Variants in ACAN observed in about 807,000 individuals in gnomAD.
ACAN encodes the protein aggrecan, also known as aggrecan core protein.
A neutral mutation model predicts 169.1 loss-of-function variants in ACAN; 47 were observed. That is an observed-to-expected ratio of 0.28 (90% CI 0.22 to 0.35). The LOEUF (loss-of-function observed/expected upper bound fraction) is 0.35, where lower values mean the gene tolerates loss of function less well. ACAN is among the 10% of genes least tolerant of loss of function. The pLI, the probability that ACAN is intolerant of heterozygous loss-of-function variation, is 1.00. For synonymous variants in ACAN, 1,115 were observed against 1,112.2 expected (o/e 1.00, Z -0.05); for missense variants, 2,716 against 2,759.9 (o/e 0.98, Z 0.36).
chr15:88,859,234 A>T lies in ACAN; in HGVS notation c.6649A>T (p.Ile2217Phe), dbSNP rs367726004. 1.5e-5 allele frequency: 24 copies of T among 1,613,808 alleles called. No homozygotes were observed. Among genetic ancestry groups the T allele is most frequent in the Non-Finnish European group, 1.9e-5 (22 of 1,179,890 alleles). The change falls in exon 12 of 19, where the codon ATC becomes TTC. Residue 2217 changes from isoleucine (I) to phenylalanine (F), a missense_variant. Physicochemically the swap from Ile to Phe is conservative, Grantham distance 21 (BLOSUM62 0). Around this residue, in one of 3 missense-constraint regions of ACAN, gnomAD observed 1,389 missense variants for 1,363.7 expected, o/e 1.02. Transcript: ENST00000560601. ...GCTGGGCGTTGTCATCAGCACCAGC[A>T]TCCCAGAGTCTGAGTGGACCCAGCA... ...SQLGVVISTS[I>F]PESEWTQQTQ...
At chr15:88,848,081 G>T in intron 9 of ACAN, 43 bp downstream of exon 9, 2 of 1,602,968 alleles carry the variant, frequency 1.2e-6, no homozygotes, top group Non-Finnish European at 1.7e-6. Context: ...GATGGGCAGG[G>T]GGTGGGCAGG....
At chr15:88,847,792 C>T in intron 8 of ACAN, 119 bp from the exon 9 acceptor site, 1 of 1,310,454 alleles carries the variant, frequency 7.6e-7, no homozygotes, top group South Asian at 1.6e-5. Context: ...GGTTTGAATA[C>T]CACCAGACAA....
chr15:88,808,626 G>A (rs1405054221), intron 1 of ACAN, among the ~76,000 whole-genome samples: 1 of 152,164 alleles, frequency 6.6e-6, no homozygotes, highest in Non-Finnish European at 1.5e-5. Flanking sequence ...ACTGGAGACT[G>A]AGGTGCTTGC....
At position 88,839,951 on chromosome 15, in the gene ACAN, C is replaced by T. The variant is rs942322731; in HGVS notation, c.455-61C>T. On this transcript the variant is annotated intron_variant, in intron 3 of 18. Coordinates refer to ENST00000560601, the MANE Select transcript of ACAN (RefSeq NM_001369268.1). This position sits in a 1 kb window ranked among gnomAD's most constrained non-coding sequence, Gnocchi z 4.5. ...TATTGCCATAATTCTGCGAGGGCCT[C>T]GGTGATCAGAGACTGTGCCTGACCA... 65 of 1,543,814 alleles carry T rather than the reference C, an allele frequency of 4.2e-5. 1 individual carries two copies. In the East Asian group the frequency reaches 1.1e-3, roughly 25 times the overall value.
At chr15:88,862,809 T>C (rs527762807) in intron 13 of ACAN, among the ~76,000 whole-genome samples, 17 of 152,020 alleles carry the variant, frequency 1.1e-4, no homozygotes, top group Non-Finnish European at 2.1e-4. Context: ...ACCAGCCTAA[T>C]CAATATGGTG....
In ACAN at chr15:88,872,780, A is replaced by G; in HGVS notation, c.7303-101A>G. Reference sequence around the variant, plus strand: ...ATGAGCCTGAAGTTGGTGCTAAAAGAGAAAGGAGATGATGAAGAGGCTCCA... The same window carrying G: ...ATGAGCCTGAAGTTGGTGCTAAAAGGGAAAGGAGATGATGAAGAGGCTCCA... On this transcript the variant is annotated intron_variant, in intron 16 of 18. Coordinates refer to ENST00000560601, the MANE Select transcript of ACAN (RefSeq NM_001369268.1). The surrounding 1 kb of genome is among the most constrained non-coding windows in gnomAD (Gnocchi z 5.4). 1 of 1,399,614 alleles carries G rather than the reference A, an allele frequency of 7.1e-7. No individual in the cohort carries two copies. Among genetic ancestry groups the G allele is most frequent in the Non-Finnish European group, 9.7e-7 (1 of 1,027,844 alleles). 86.7% of individuals were successfully genotyped at this position (1,399,614 alleles called of 1,614,324 possible).
intron 7 of ACAN, among the ~76,000 whole-genome samples, chr15:88,846,852 C>G (rs62023499): frequency 0.47 from 71,816 of 152,108 alleles, 19,153 homozygotes; most frequent in Non-Finnish European, 0.62. Flanking sequence ...CCCACAAAGC[C>G]TAAAATATTT....
chr15:88,822,157 C>G (rs1008893951), intron 1 of ACAN, among the ~76,000 whole-genome samples: 1 of 152,216 alleles, frequency 6.6e-6, no homozygotes, highest in South Asian at 2.1e-4. Context: ...GTTGATACCT[C>G]GTGCCCCAAG....
In ACAN at chr15:88,873,121, T is replaced by C. The variant is rs1897423378; in HGVS notation, c.7447+96T>C. 1.4e-6 allele frequency: 2 copies of C among 1,449,826 alleles called. No individual in the cohort carries two copies. The highest frequency in any genetic ancestry group is 2.4e-5 in the East Asian group (1 of 40,832). 89.8% of individuals were successfully genotyped at this position (1,449,826 alleles called of 1,614,324 possible). ...TGTGTGGCCTGGGGTGAGTCCCTTGTCTTCTGGCTGCTGGTGTCTCCTCAC... is the reference window on the plus strand; with the variant it reads ...TGTGTGGCCTGGGGTGAGTCCCTTGCCTTCTGGCTGCTGGTGTCTCCTCAC... On this transcript the variant is annotated intron_variant, in intron 17 of 18. Transcript: ENST00000560601. The surrounding 1 kb of genome is among the most constrained non-coding windows in gnomAD (Gnocchi z 7.5).
At chr15:88,848,088 C>T in intron 9 of ACAN, 50 bp downstream of exon 9, 1 of 1,599,816 alleles carries the variant, frequency 6.3e-7, no homozygotes, top group Non-Finnish European at 8.5e-7. Context: ...AGGGGGTGGG[C>T]AGGGAGCTGA....
At chr15:88,823,898 G>T (rs890673963) in intron 1 of ACAN, among the ~76,000 whole-genome samples, 1 of 152,152 alleles carries the variant, frequency 6.6e-6, no homozygotes, top group African/African-American at 2.4e-5. Context: ...CATGGGCCGT[G>T]TGTGCACTCC....
Position 88,836,262 on chromosome 15 carries a change from C to G in ACAN, c.56C>G (p.Thr19Ser). The G allele has an allele frequency of 2.5e-6, 4 of 1,613,768 alleles. No homozygotes were observed. The East Asian group carries it at 8.9e-5, about 36-fold the overall frequency. ...CTGAGGGTCATCACTGCAGCTGTCA[C>G]TGTAGAAACTTCAGGTGAGGACATT... ...VTLRVITAAV[T>S]VETSDHDNSL... Residue 19 changes from threonine to serine, a missense_variant, in exon 2 of 19, where the codon ACT (threonine) becomes AGT (serine). By Grantham distance (58) the Thr-to-Ser change is moderately conservative. This residue lies in a region of ACAN where 1,283 missense variants were observed against 1,281.5 expected (regional missense o/e 1.00). Coordinates refer to ENST00000560601, the MANE Select transcript of ACAN (RefSeq NM_001369268.1).
Position 88,872,091 on chromosome 15 carries a change from T to C in ACAN, c.7302+6T>C. On this transcript the variant is annotated splice_donor_region_variant and intron_variant, in intron 16 of 18. Coordinates refer to ENST00000560601, the MANE Select transcript of ACAN (RefSeq NM_001369268.1). This position sits in a 1 kb window ranked among gnomAD's most constrained non-coding sequence, Gnocchi z 5.4. The stretch of plus-strand genomic sequence containing the variant: ...GGTCAGATGGACACCCCATGGTGAG[T>C]TCTGCTGTAGGCACAGCTGGTGGCC... 3 of 1,613,274 alleles carry C rather than the reference T, an allele frequency of 1.9e-6. No individual in the cohort carries two copies. In the South Asian group the frequency reaches 3.3e-5, roughly 18 times the overall value.
At chr15:88,821,259 C>G (rs776443437) in intron 1 of ACAN, among the ~76,000 whole-genome samples, 1 of 152,140 alleles carries the variant, frequency 6.6e-6, no homozygotes, top group Non-Finnish European at 1.5e-5. Flanking sequence ...CCTACCTCAG[C>G]CTCCCGAGTA....
intron 13 of ACAN, among the ~76,000 whole-genome samples, chr15:88,864,631 C>T (rs1218829301): frequency 6.6e-6 from 1 of 152,180 alleles, no homozygotes; most frequent in Non-Finnish European, 1.5e-5. Context: ...TTTTATAATC[C>T]TTCTTTCATT....
chr15:88,815,005 T>A (rs1052502745), intron 1 of ACAN, among the ~76,000 whole-genome samples: 1 of 150,812 alleles, frequency 6.6e-6, no homozygotes, highest in African/African-American at 2.5e-5. Context: ...GAAACTTTGG[T>A]TTTTCTTGTC....
At position 88,868,434 on chromosome 15, in the gene ACAN, C is replaced by A; in HGVS notation, c.7060+105C>A. 1 of 588,222 alleles carries A rather than the reference C, an allele frequency of 1.7e-6. No individual in the cohort carries two copies. The highest frequency in any genetic ancestry group is 2.1e-5 in the South Asian group (1 of 48,452). 36.4% of individuals were successfully genotyped at this position (588,222 alleles called of 1,614,324 possible). On this transcript the variant is annotated intron_variant, in intron 14 of 18. Transcript: ENST00000560601. The surrounding 1 kb of genome is among the most constrained non-coding windows in gnomAD (Gnocchi z 5.2). ...GGCTCCAGGCCCTGGCTGGGGCCCCCGAGGTTCATCTGGAGAGCCATTTCA... is the reference window on the plus strand; with the variant it reads ...GGCTCCAGGCCCTGGCTGGGGCCCCAGAGGTTCATCTGGAGAGCCATTTCA...
Position 88,858,641 on chromosome 15 carries a change from C to G in ACAN, c.6056C>G (p.Ser2019Cys), listed in dbSNP as rs2141611573. The change falls in exon 12 of 19, where the codon TCT (serine) becomes TGT (cysteine). Residue 2019 changes from serine (S) to cysteine (C), a missense_variant. Physicochemically the swap from Ser to Cys is moderately radical, Grantham distance 112 (BLOSUM62 -1). Coordinates refer to ENST00000560601, the MANE Select transcript of ACAN (RefSeq NM_001369268.1). This position sits in a 1 kb window ranked among gnomAD's most constrained non-coding sequence, Gnocchi z 4.0. The stretch of plus-strand genomic sequence containing the variant: ...ACCACCAATGTAAGTGGAGAATCCT[C>G]TGTAGCCATGGGCACCAGTGGAGAG... ...ASTTNVSGES[S>C]VAMGTSGEAS... 3 of 1,613,994 alleles carry G rather than the reference C, an allele frequency of 1.9e-6. No homozygotes were observed. In the East Asian group the frequency reaches 6.7e-5, roughly 36 times the overall value.
intron 5 of ACAN, among the ~76,000 whole-genome samples, chr15:88,842,698 A>G (rs1279692260): frequency 6.6e-6 from 1 of 152,210 alleles, no homozygotes; most frequent in Non-Finnish European, 1.5e-5. Flanking sequence ...GTGTTCCCAC[A>G]TTTGGCTAAC....
Sources: gnomAD v4.1 joint callset for allele counts (sites outside exome capture counted in the v4.1 genomes callset) on GRCh38, gnomAD v4.1.1 for gene constraint, gnomAD v4.1.1 regional missense constraint, Gnocchi (gnomAD v3.1) non-coding constraint, MANE v1.5 for transcripts, NCBI Gene and HGNC (gene_info 2026-07-23, HGNC 2026-07-21) for gene names.